The following ANKRD18A variants were observed in gnomAD, a reference collection of about 807,000 sequenced individuals.
The protein encoded by ANKRD18A is ankyrin repeat domain 18A.
Under a neutral mutation model 110.6 loss-of-function variants are expected in ANKRD18A, and 72 were observed. The ratio of observed to expected loss-of-function variants is 0.65; its 90% CI spans 0.54 to 0.79. The LOEUF is 0.79. ANKRD18A is among the 30% of genes least tolerant of loss of function. The pLI, the probability that ANKRD18A is intolerant of heterozygous loss-of-function variation, is 0.00. For missense variants in ANKRD18A, 934 were observed against 1,163.3 expected, an observed-to-expected ratio of 0.80 and a Z score of 2.87; for synonymous variants, 305 against 410.3, an observed-to-expected ratio of 0.74 and a Z score of 3.10.
chr9:38,596,047 A>T lies in ANKRD18A; in HGVS notation c.1293T>A (p.Asn431Lys), dbSNP rs1174522971. ...SLHSSLATAINEYNEIVERKD... is the reference protein window; with the variant it reads ...SLHSSLATAIKEYNEIVERKD... ...TTCTTTCCACAATTTCATTGTACTC[A>T]TTTATAGCAGTGGCCAGGCTAGAAT... The change falls in exon 9 of 16, where the codon AAT becomes AAA. Residue 431 changes from asparagine (N) to lysine (K), a missense_variant. Around this residue, in one of 4 missense-constraint regions of ANKRD18A, gnomAD observed 630 missense variants for 797.5 expected, o/e 0.79. Coordinates refer to ENST00000399703, the MANE Select transcript of ANKRD18A (RefSeq NM_147195.4). 1.3e-6 allele frequency: 2 copies of T among 1,551,172 alleles called. No individual in the cohort carries two copies. The highest frequency in any genetic ancestry group is 1.7e-6 in the Non-Finnish European group (2 of 1,146,734).
intron 11 of ANKRD18A, among the ~76,000 whole-genome samples, chr9:38,587,660 A>G (rs1403388358): frequency 6.6e-6 from 1 of 152,228 alleles, no homozygotes; most frequent in Non-Finnish European, 1.5e-5. Context: ...AAAAATTTGA[A>G]TGCAGCAGAG....
chr9:38,576,786 GA>G (rs1390767490), intron 14 of ANKRD18A, among the ~76,000 whole-genome samples: 2 of 151,900 alleles, frequency 1.3e-5, no homozygotes, highest in Admixed American at 6.6e-5. Context: ...AATACTTAGT[GA>G]AAAAAACTAA....
intron 12 of ANKRD18A, among the ~76,000 whole-genome samples, chr9:38,583,204 T>A (rs1414778332): frequency 5.3e-5 from 8 of 152,174 alleles, no homozygotes; most frequent in Admixed American, 4.6e-4. Context: ...AAAGCCCTTA[T>A]CCAATGCTGC....
At chr9:38,618,453 T>C (rs560305242) in intron 1 of ANKRD18A, among the ~76,000 whole-genome samples, 7 of 152,336 alleles carry the variant, frequency 4.6e-5, no homozygotes, top group South Asian at 4.1e-4. Flanking sequence ...AATGGCCACA[T>C]ACCATTCTAT....
At chr9:38,598,926 G>A (rs1368430861) in intron 8 of ANKRD18A, among the ~76,000 whole-genome samples, 2 of 152,148 alleles carry the variant, frequency 1.3e-5, no homozygotes, top group Non-Finnish European at 2.9e-5. Flanking sequence ...AGACTTTTTG[G>A]ATCTACAGAC....
At chr9:38,607,301 C>T (rs1376427157) in intron 6 of ANKRD18A, 125 bp downstream of exon 6, 11 of 647,228 alleles carry the variant, frequency 1.7e-5, no homozygotes, top group Non-Finnish European at 2.5e-5. Context: ...AGGTGATCCA[C>T]CCGCCTCGGC....
chr9:38,576,566 G>A (rs1201404681), intron 14 of ANKRD18A, among the ~76,000 whole-genome samples: 1 of 152,126 alleles, frequency 6.6e-6, no homozygotes, highest in Non-Finnish European at 1.5e-5. Context: ...CTTTCTTGAG[G>A]CACCCTCTAG....
chr9:38,605,769 A>G (rs910651878), intron 6 of ANKRD18A, among the ~76,000 whole-genome samples: 5 of 151,994 alleles, frequency 3.3e-5, no homozygotes, highest in African/African-American at 1.2e-4. Flanking sequence ...GCCCACCCCC[A>G]TGCCTGGCTA....
At chr9:38,607,751 TC>T (rs1250529551) in intron 5 of ANKRD18A, among the ~76,000 whole-genome samples, 1 of 152,242 alleles carries the variant, frequency 6.6e-6, no homozygotes, top group African/African-American at 2.4e-5. Flanking sequence ...CTGGAAACTG[TC>T]CTGCATTCAC....
intron 1 of ANKRD18A, among the ~76,000 whole-genome samples, chr9:38,618,681 AAC>A (rs1403008121): frequency 6.6e-6 from 1 of 152,166 alleles, no homozygotes. Context: ...CTGTGGATAG[AAC>A]ACAGTCTCAC....
rs1020179769 is a variant in ANKRD18A, at chr9:38,577,105, C to T, written c.2689G>A (p.Ala897Thr). The T allele has an allele frequency of 2.9e-5, 45 of 1,549,008 alleles. No homozygotes were observed. Among genetic ancestry groups the T allele is most frequent in the Non-Finnish European group, 3.5e-5 (40 of 1,146,292 alleles). The change falls in exon 14 of 16, where the codon GCC becomes ACC. Residue 897 changes from alanine (A) to threonine (T), a missense_variant. This residue lies in a region of ANKRD18A where 223 missense variants were observed against 226.7 expected (regional missense o/e 0.98). Coordinates refer to ENST00000399703, the MANE Select transcript of ANKRD18A (RefSeq NM_147195.4). ...VTTELEEFKE[A>T]FAGAVKANNS... Reference sequence around the variant, plus strand: ...TTAGCTTTCACTGCTCCTGCAAAGGCTTCCTTAAATTCTTCTAATTCAGTT... The same window carrying T: ...TTAGCTTTCACTGCTCCTGCAAAGGTTTCCTTAAATTCTTCTAATTCAGTT...
chr9:38,614,219 G>GTTTTTTT (rs58955752), intron 3 of ANKRD18A, among the ~76,000 whole-genome samples: 102 of 68,848 alleles, frequency 1.5e-3, no homozygotes, highest in East Asian at 3.4e-3. Flanking sequence ...GAACACTGAG[G>GTTTTTTT]TTTTTTTTTT....
intron 8 of ANKRD18A, among the ~76,000 whole-genome samples, chr9:38,600,920 A>G (rs1825094058): frequency 6.6e-6 from 1 of 152,232 alleles, no homozygotes; most frequent in Non-Finnish European, 1.5e-5. Flanking sequence ...CTCAATTCCA[A>G]GGGTACAGAT....
intron 15 of ANKRD18A, 55 bp from the exon 16 acceptor site, chr9:38,572,114 A>T: frequency 7.3e-7 from 1 of 1,369,646 alleles, no homozygotes; most frequent in Non-Finnish European, 1.0e-6. Flanking sequence ...CAGTTAACGA[A>T]GTGTAAGTTT....
At chr9:38,609,481 GA>G (rs1053184744) in intron 5 of ANKRD18A, among the ~76,000 whole-genome samples, 1 of 151,364 alleles carries the variant, frequency 6.6e-6, no homozygotes, top group Admixed American at 6.6e-5. Context: ...ACTCCGTCTC[GA>G]AAAAAACAAA....
chr9:38,577,497 C>T (rs1175092498), intron 13 of ANKRD18A, among the ~76,000 whole-genome samples: 1 of 152,000 alleles, frequency 6.6e-6, no homozygotes, highest in Non-Finnish European at 1.5e-5. Flanking sequence ...TAATCTTGTC[C>T]TATAAAAAGT....
At chr9:38,572,998 C>T (rs1823719663) in intron 15 of ANKRD18A, 2 of 807,460 alleles carry the variant, frequency 2.5e-6, no homozygotes, top group Non-Finnish European at 3.6e-6. Flanking sequence ...ATCTACTAAC[C>T]CAACAATGAA....
chr9:38,569,648 T>A (rs1428096762), downstream of ANKRD18A, among the ~76,000 whole-genome samples: 1 of 152,140 alleles, frequency 6.6e-6, no homozygotes, highest in Non-Finnish European at 1.5e-5. Context: ...ATTGTGTTTG[T>A]GTATGCGTGT....
downstream of ANKRD18A, chr9:38,571,220 A>T (rs561976255): frequency 6.6e-7 from 1 of 1,516,552 alleles, no homozygotes; most frequent in South Asian, 1.2e-5. Flanking sequence ...GAGAAAATAC[A>T]TTAGTTTAGA....
Sources: gnomAD v4.1 joint callset for allele counts (sites outside exome capture counted in the v4.1 genomes callset) on GRCh38, gnomAD v4.1.1 for gene constraint, gnomAD v4.1.1 regional missense constraint, MANE v1.5 for transcripts, NCBI Gene and HGNC (gene_info 2026-07-23, HGNC 2026-07-21) for gene names.